The following POU2AF2 variants were observed in gnomAD, a reference collection of about 807,000 sequenced individuals.
POU2AF2 encodes POU domain class 2-associating factor 2.
the POU2AF2 span, among the ~76,000 whole-genome samples, chr11:111,249,687 TA>T: frequency 6.6e-6 from 1 of 152,222 alleles, no homozygotes; most frequent in South Asian, 2.1e-4. Context: ...ATTTATTTCA[TA>T]AGCATTTATT....
chr11:111,254,106 C>T, the POU2AF2 span, among the ~76,000 whole-genome samples: 5 of 152,190 alleles, frequency 3.3e-5, no homozygotes, highest in African/African-American at 9.7e-5. Flanking sequence ...TTCTGACACA[C>T]AGAAAACACT....
the POU2AF2 span, chr11:111,245,821 T>C: frequency 5.0e-6 from 2 of 398,976 alleles, no homozygotes; most frequent in East Asian, 3.6e-5. Flanking sequence ...TCTGCACTGC[T>C]GTTAAGAAGG....
At chr11:111,259,329 T>C in the POU2AF2 span, among the ~76,000 whole-genome samples, 2 of 145,076 alleles carry the variant, frequency 1.4e-5, no homozygotes, top group East Asian at 1.9e-4. Flanking sequence ...TTTTTTTTTT[T>C]GTCTGAGACA....
chr11:111,282,940 A>G, the POU2AF2 span, among the ~76,000 whole-genome samples: 4 of 152,204 alleles, frequency 2.6e-5, no homozygotes, highest in Admixed American at 6.5e-5. Flanking sequence ...CTACGGGGTC[A>G]GAAAGTGTTG....
chr11:111,256,145 C>CCTTTT, the POU2AF2 span: 1 of 398,798 alleles, frequency 2.5e-6, no homozygotes, highest in Non-Finnish European at 4.4e-6. Context: ...CTCTCCTCTC[C>CCTTTT]CTTTATCCAC....
the POU2AF2 span, among the ~76,000 whole-genome samples, chr11:111,254,599 T>C: frequency 1.3e-5 from 2 of 152,206 alleles, no homozygotes; most frequent in Admixed American, 1.3e-4. Context: ...GACTAATGTG[T>C]AACTGTGATT....
the POU2AF2 span, among the ~76,000 whole-genome samples, chr11:111,266,971 C>T: frequency 1.3e-5 from 2 of 152,262 alleles, no homozygotes; most frequent in East Asian, 1.9e-4. Context: ...TCTCATGTCA[C>T]CCTCCAGATT....
At chr11:111,276,453 A>AAAT in the POU2AF2 span, among the ~76,000 whole-genome samples, 20 of 37,674 alleles carry the variant, frequency 5.3e-4, no homozygotes, top group African/African-American at 1.3e-3. Context: ...AAAAAAAAAA[A>AAAT]ATATATATAT....
chr11:111,281,891 C>G, the POU2AF2 span, among the ~76,000 whole-genome samples: 2 of 152,096 alleles, frequency 1.3e-5, no homozygotes, highest in Non-Finnish European at 2.9e-5. Context: ...TACTGTTGGA[C>G]ATTCTTGTAT....
the POU2AF2 span, among the ~76,000 whole-genome samples, chr11:111,283,260 A>G: frequency 1.3e-5 from 2 of 152,006 alleles, no homozygotes. Context: ...CATGTTGGCC[A>G]GGATGGTCTC....
the POU2AF2 span, among the ~76,000 whole-genome samples, chr11:111,270,471 C>A: frequency 6.6e-6 from 1 of 152,288 alleles, no homozygotes; most frequent in Non-Finnish European, 1.5e-5. Flanking sequence ...CAGATGAACT[C>A]TTTCTTTGTA....
the POU2AF2 span, among the ~76,000 whole-genome samples, chr11:111,265,316 A>T: frequency 1.3e-5 from 2 of 152,132 alleles, no homozygotes; most frequent in African/African-American, 4.8e-5. Context: ...CTTACATTGC[A>T]CTGTCACTTC....
At chr11:111,256,896 T>A in the POU2AF2 span, among the ~76,000 whole-genome samples, 1 of 152,240 alleles carries the variant, frequency 6.6e-6, no homozygotes, top group South Asian at 2.1e-4. Context: ...CTGTGTAACA[T>A]GCAAAATCAG....
chr11:111,258,542 T>G, the POU2AF2 span, among the ~76,000 whole-genome samples: 1 of 152,228 alleles, frequency 6.6e-6, no homozygotes, highest in Non-Finnish European at 1.5e-5. Context: ...TTCTTTAAAA[T>G]TTACCTAATA....
At chr11:111,269,214 A>AAC in the POU2AF2 span, among the ~76,000 whole-genome samples, 30 of 151,550 alleles carry the variant, frequency 2.0e-4, no homozygotes, top group African/African-American at 5.6e-4. Flanking sequence ...AGAAAAAAAA[A>AAC]ATCTTCCGAG....
At chr11:111,263,427 CTTTTTTTTTTTT>C in the POU2AF2 span, among the ~76,000 whole-genome samples, 1 of 96,146 alleles carries the variant, frequency 1.0e-5, no homozygotes, top group Non-Finnish European at 2.0e-5. Flanking sequence ...TACTGAAGTT[CTTTTTTTTTTTT>C]TTTTTTTTTT....
chr11:111,265,473 C>T, the POU2AF2 span, among the ~76,000 whole-genome samples: 1 of 152,056 alleles, frequency 6.6e-6, no homozygotes, highest in Non-Finnish European at 1.5e-5. Context: ...GGTTCTGACT[C>T]TTGTGTGTGA....
chr11:111,281,719 A>C, the POU2AF2 span, among the ~76,000 whole-genome samples: 3 of 152,238 alleles, frequency 2.0e-5, no homozygotes, highest in African/African-American at 7.2e-5. Flanking sequence ...TAAAGTTCTG[A>C]CACCATGATC....
chr11:111,275,703 C>T, the POU2AF2 span, among the ~76,000 whole-genome samples: 3 of 152,086 alleles, frequency 2.0e-5, no homozygotes, highest in Non-Finnish European at 4.4e-5. Flanking sequence ...AATTTAAATT[C>T]CCAGAACTTT....
Sources: gnomAD v4.1 joint callset for allele counts (sites outside exome capture counted in the v4.1 genomes callset) on GRCh38, gnomAD v4.1.1 for gene constraint, MANE v1.5 for transcripts, NCBI Gene and HGNC (gene_info 2026-07-23, HGNC 2026-07-21) for gene names.